The following BCL2L12 variants were observed in gnomAD, a reference collection of about 807,000 sequenced individuals.
BCL2L12 encodes bcl-2-like protein 12.
Under a neutral mutation model 25.7 loss-of-function variants are expected in BCL2L12, and 27 were observed. That is an observed-to-expected ratio of 1.05 (90% CI 0.78 to 1.45). The LOEUF (loss-of-function observed/expected upper bound fraction) is 1.45, where lower values mean the gene tolerates loss of function less well. Among genes scored for constraint, BCL2L12 ranks in the 40% most tolerant of loss-of-function variants. BCL2L12 has a pLI of 0.00. For missense variants in BCL2L12, 302 were observed against 329.8 expected (o/e 0.92, Z 0.65); for synonymous variants, 132 against 145.6 (o/e 0.91, Z 0.67).
In BCL2L12 at chr19:49,670,502, G is replaced by C; in HGVS notation, c.702+14G>C. ...CACGGGGGCTGGGTGAGCCGCTGAAGCCTCTCTCTCCGGGCCTCACTTTAC... is the reference window on the plus strand; with the variant it reads ...CACGGGGGCTGGGTGAGCCGCTGAACCCTCTCTCTCCGGGCCTCACTTTAC... On this transcript the variant is annotated intron_variant, in intron 6 of 6. Transcript: ENST00000246784. 1 of 1,536,902 alleles carries C rather than the reference G, an allele frequency of 6.5e-7. No individual in the cohort carries two copies. The highest frequency in any genetic ancestry group is 8.7e-7 in the Non-Finnish European group (1 of 1,144,040).
upstream of BCL2L12, chr19:49,665,597 G>A (rs888397849): frequency 9.2e-6 from 5 of 545,720 alleles, no homozygotes; most frequent in Admixed American, 9.5e-5. Context: ...GCTCTCGGAC[G>A]CCACCAACGC....
In BCL2L12 at chr19:49,672,843, G is replaced by C. The variant is rs575211019; in HGVS notation, c.703-855G>C. Among the ~76,000 whole-genome samples, 1 of 152,244 alleles carries C rather than the reference G, an allele frequency of 6.6e-6. No individual in the cohort carries two copies. Among genetic ancestry groups the C allele is most frequent in the African/African-American group, 2.4e-5 (1 of 41,516 alleles). On this transcript the variant is annotated intron_variant, in intron 6 of 6. Transcript: ENST00000246784. The surrounding 1 kb of genome is among the most constrained non-coding windows in gnomAD (Gnocchi z 4.1). ...TGAGGGGAATGGATATAAGTGTTGG[G>C]CTCAGCAAAGAAGCTCGTTTATTTT...
intron 3 of BCL2L12, 22 bp from the exon 4 acceptor site, chr19:49,668,829 T>C: frequency 1.9e-6 from 3 of 1,604,308 alleles, no homozygotes; most frequent in Non-Finnish European, 2.6e-6. Context: ...TGGAAACCTG[T>C]CATTAACTCT....
At chr19:49,668,782 T>C (rs2081884134) in intron 3 of BCL2L12, 69 bp from the exon 4 acceptor site, 7 of 1,434,134 alleles carry the variant, frequency 4.9e-6, no homozygotes, top group East Asian at 2.3e-5. Flanking sequence ...GCCAAGGTAG[T>C]TGGGGGAAGG....
rs868404814 is a variant in BCL2L12 at position 49,669,058 on chromosome 19, C to T, written c.372C>T (p.Ala124=). The T allele has an allele frequency of 6.2e-7, 1 of 1,614,000 alleles. No individual in the cohort carries two copies. Among genetic ancestry groups the T allele is most frequent in the Non-Finnish European group, 8.5e-7 (1 of 1,180,016 alleles). The change falls in exon 5 of 7, where the codon GCC becomes GCT. Residue 124 remains alanine (A), a synonymous_variant. Transcript: ENST00000246784. ...GTCCCCCATCGACAGAGAAGGAAGC[C>T]ATACTGCGGAGGCTGGTGGCCCTGC... ...LQGPPSTEKE[A]ILRRLVALLE...
chr19:49,670,532 C>T, intron 6 of BCL2L12, 44 bp downstream of exon 6: 1 of 1,525,504 alleles, frequency 6.6e-7, no homozygotes, highest in Non-Finnish European at 8.8e-7. Flanking sequence ...CTTTACCTAA[C>T]TGTCATGTGA....
chr19:49,666,049 C>T lies in BCL2L12; in HGVS notation c.-27C>T. Reference sequence around the variant, plus strand: ...ACCGCAAGTTGAGTGGAGGAGGCGGCGGTGGGGCCCCGGACCAGGTCAGCG... The same window carrying T: ...ACCGCAAGTTGAGTGGAGGAGGCGGTGGTGGGGCCCCGGACCAGGTCAGCG... On this transcript the variant is annotated 5_prime_UTR_variant, in exon 1 of 7. Transcript: ENST00000246784. 1.3e-6 allele frequency: 2 copies of T among 1,540,688 alleles called. No individual in the cohort carries two copies. The highest frequency in any genetic ancestry group is 1.8e-6 in the Non-Finnish European group (2 of 1,139,282).
At position 49,668,869 on chromosome 19, in the gene BCL2L12, T is replaced by C; in HGVS notation, c.269T>C (p.Phe90Ser). The C allele has an allele frequency of 6.2e-7, 1 of 1,613,098 alleles. No homozygotes were observed. Among genetic ancestry groups the C allele is most frequent in the Non-Finnish European group, 8.5e-7 (1 of 1,179,940 alleles). The change falls in exon 4 of 7, where the codon TTC becomes TCC. Residue 90 changes from phenylalanine (F) to serine (S), a missense_variant. Transcript: ENST00000246784. ...ACCCCAGGCCCAGCTACTCCAGACT[T>C]CTATGCTTTGGTGGCCCAGCGGCTG... is the stretch of plus-strand genomic sequence containing the variant. ...GLEPGPATPD[F>S]YALVAQRLEQ...
rs1009292815 is a variant in BCL2L12, at chr19:49,666,874, C to G, written c.107+75C>G. ...CCTAACTCTTGCTCCTGGTCTCAGT[C>G]TGTCTCCTCTCTTTATATCTGGCTC... On this transcript the variant is annotated intron_variant, in intron 2 of 6. Transcript: ENST00000246784. The G allele has an allele frequency of 2.6e-6, 4 of 1,516,226 alleles. No homozygotes were observed. In the African/African-American group the frequency reaches 5.5e-5, roughly 21 times the overall value. 93.9% of individuals were successfully genotyped at this position (1,516,226 alleles called of 1,614,324 possible).
chr19:49,670,276 C>T lies in BCL2L12; in HGVS notation c.490C>T (p.Arg164Cys), dbSNP rs112712444. The change falls in exon 6 of 7, where the codon CGC becomes TGC. Residue 164 changes from arginine to cysteine, a missense_variant. Physicochemically the swap from Arg to Cys is radical, Grantham distance 180. Coordinates refer to ENST00000246784, the MANE Select transcript of BCL2L12 (RefSeq NM_138639.2). ...CCGCCTGTCCTCCGACTCTTTCGCC[C>T]GCCTGGTGGAGCTGTTCTGTAGCCG... ...LVRLSSDSFA[R>C]LVELFCSRDD... 1.6e-5 allele frequency: 26 copies of T among 1,611,122 alleles called. No homozygotes were observed. Among genetic ancestry groups the T allele is most frequent in the Non-Finnish European group, 2.0e-5 (24 of 1,179,592 alleles).
Position 49,673,770 on chromosome 19 carries a change from C to T in BCL2L12, c.*22C>T. 1 of 1,613,858 alleles carries T rather than the reference C, an allele frequency of 6.2e-7. No individual in the cohort carries two copies. The highest frequency in any genetic ancestry group is 8.5e-7 in the Non-Finnish European group (1 of 1,179,708). ...CTGAGCTCTTTCTCAGAAGCTGCTA[C>T]AAGATGACACCTCATGTCCCTGCCC... On this transcript the variant is annotated 3_prime_UTR_variant, in exon 7 of 7. Transcript: ENST00000246784.
At position 49,672,458 on chromosome 19, in the gene BCL2L12, A is replaced by G. The variant is rs2081979732; in HGVS notation, c.703-1240A>G. On this transcript the variant is annotated intron_variant, in intron 6 of 6. Transcript: ENST00000246784. This position sits in a 1 kb window ranked among gnomAD's most constrained non-coding sequence, Gnocchi z 4.1. The stretch of plus-strand genomic sequence containing the variant: ...TCGGACTTTGACTCTGGGTAAGCCA[A>G]GGTCTCTGAGCAGCGGAGGGACAGG... 1.3e-5 allele frequency among the ~76,000 whole-genome samples: 2 copies of G among 152,200 alleles called. No homozygotes were observed. The highest frequency in any genetic ancestry group is 4.8e-5 in the African/African-American group (2 of 41,442).
At chr19:49,673,530 C>T (rs1033520055) in intron 6 of BCL2L12, among the ~76,000 whole-genome samples, 168 bp from the exon 7 acceptor site, 8 of 152,150 alleles carry the variant, frequency 5.3e-5, no homozygotes, top group African/African-American at 1.9e-4. Context: ...GCCCCCTCAT[C>T]CCTGTGCCCT....
rs2081980600 is a variant in BCL2L12 at position 49,672,486 on chromosome 19, C to A, written c.703-1212C>A. On this transcript the variant is annotated intron_variant, in intron 6 of 6. Transcript: ENST00000246784. The surrounding 1 kb of genome is among the most constrained non-coding windows in gnomAD (Gnocchi z 4.1). ...TCTCTGAGCAGCGGAGGGACAGGCG[C>A]TGATTTAGGCGCTAATGGGCGCCCT... Among the ~76,000 whole-genome samples the A allele has an allele frequency of 6.6e-6, 1 of 152,194 alleles. No individual in the cohort carries two copies. Among genetic ancestry groups the A allele is most frequent in the South Asian group, 2.1e-4 (1 of 4,830 alleles).
rs746717146 is a variant in BCL2L12, at chr19:49,665,980, G to A, written c.-96G>A. On this transcript the variant is annotated 5_prime_UTR_variant, in exon 1 of 7. Coordinates refer to ENST00000246784, the MANE Select transcript of BCL2L12 (RefSeq NM_138639.2). ...TCGACCCGGCCCAGTGCGCAGGCGCGGGAAAGTTGAACTAATAAAGTTTGT... is the reference window on the plus strand; with the variant it reads ...TCGACCCGGCCCAGTGCGCAGGCGCAGGAAAGTTGAACTAATAAAGTTTGT... 2 of 1,611,022 alleles carry A rather than the reference G, an allele frequency of 1.2e-6. No individual in the cohort carries two copies. Among genetic ancestry groups the A allele is most frequent in the Non-Finnish European group, 1.7e-6 (2 of 1,178,442 alleles).
At chr19:49,666,897 C>A in intron 2 of BCL2L12, 98 bp downstream of exon 2, 1 of 1,515,278 alleles carries the variant, frequency 6.6e-7, no homozygotes. Flanking sequence ...TTATATCTGG[C>A]TCTATTCTCT....
In BCL2L12 at chr19:49,673,862, T is replaced by C; in HGVS notation, c.*114T>C. 1 of 1,204,894 alleles carries C rather than the reference T, an allele frequency of 8.3e-7. No individual in the cohort carries two copies. Among genetic ancestry groups the C allele is most frequent in the East Asian group, 2.4e-5 (1 of 41,302 alleles). 74.6% of individuals were successfully genotyped at this position (1,204,894 alleles called of 1,614,324 possible). A position where few individuals can be genotyped will look rare whatever the true frequency, so the allele number is the denominator to read the frequency against. On this transcript the variant is annotated 3_prime_UTR_variant, in exon 7 of 7. Coordinates refer to ENST00000246784, the MANE Select transcript of BCL2L12 (RefSeq NM_138639.2). ...TGTGGGGTGGTGGTTGCCCTACCTG[T>C]TTTTGCCAAAAATAAATTGTTTAAA... is the stretch of plus-strand genomic sequence containing the variant.
chr19:49,669,194 G>A, intron 5 of BCL2L12, 79 bp downstream of exon 5: 1 of 1,560,932 alleles, frequency 6.4e-7, no homozygotes, highest in Non-Finnish European at 8.7e-7. Context: ...AGCTGGATCT[G>A]TATTTTCTTT....
intron 5 of BCL2L12, 100 bp from the exon 6 acceptor site, chr19:49,670,116 A>T: frequency 1.4e-6 from 2 of 1,448,802 alleles, no homozygotes; most frequent in South Asian, 1.3e-5. Context: ...GAACCTTAGC[A>T]TCTAGAACGA....
Sources: allele counts gnomAD v4.1 joint callset (sites outside exome capture counted in the v4.1 genomes callset), GRCh38; gene constraint gnomAD v4.1.1; non-coding constraint Gnocchi (gnomAD v3.1); transcripts MANE v1.5; gene names NCBI Gene and HGNC (gene_info 2026-07-23, HGNC 2026-07-21).